The following PPM1L variants were observed in gnomAD, a reference collection of about 807,000 sequenced individuals.
PPM1L encodes protein phosphatase 1L.
A neutral mutation model predicts 31.4 loss-of-function variants in PPM1L; 13 were observed. That is an observed-to-expected ratio of 0.41 (90% CI 0.27 to 0.66). The LOEUF (loss-of-function observed/expected upper bound fraction) is 0.66, where lower values mean the gene tolerates loss of function less well. Among genes scored for constraint, PPM1L ranks in the 30% least tolerant of loss-of-function variants. The pLI is 0.29. For synonymous variants in PPM1L, 184 were observed against 175.4 expected, an observed-to-expected ratio of 1.05 and a Z score of -0.39; for missense variants, 326 against 453.7, an observed-to-expected ratio of 0.72 and a Z score of 2.56.
intron 1 of PPM1L, among the ~76,000 whole-genome samples, chr3:160,776,183 A>G (rs950901605): frequency 6.6e-6 from 1 of 152,250 alleles, no homozygotes; most frequent in African/African-American, 2.4e-5. Context: ...ATTCTCATGT[A>G]CAAAATGGAC....
chr3:160,843,441 T>A, intron 1 of PPM1L, among the ~76,000 whole-genome samples: 1 of 100,646 alleles, frequency 9.9e-6, no homozygotes, highest in Non-Finnish European at 2.1e-5. Flanking sequence ...TATATATATA[T>A]ATATATATAT....
intron 1 of PPM1L, among the ~76,000 whole-genome samples, chr3:160,786,187 G>GTGTA (rs1302285733): frequency 6.8e-4 from 27 of 39,442 alleles, no homozygotes; most frequent in East Asian, 1.3e-3. Flanking sequence ...GTGTGTGTGT[G>GTGTA]TATATATATA....
chr3:161,020,336 A>G (rs1718206599), intron 2 of PPM1L, among the ~76,000 whole-genome samples: 1 of 152,188 alleles, frequency 6.6e-6, no homozygotes, highest in Non-Finnish European at 1.5e-5. Flanking sequence ...GTAATTGAGA[A>G]ATAAGACATA....
chr3:161,031,215 A>C (rs1381230239), intron 2 of PPM1L, among the ~76,000 whole-genome samples: 1 of 152,220 alleles, frequency 6.6e-6, no homozygotes, highest in Non-Finnish European at 1.5e-5. Context: ...ATTATGGCAG[A>C]AAATTCATGA....
At chr3:161,051,457 G>A (rs935967872) in intron 2 of PPM1L, among the ~76,000 whole-genome samples, 2 of 152,028 alleles carry the variant, frequency 1.3e-5, no homozygotes, top group Non-Finnish European at 2.9e-5. Context: ...GAGGGAGAAA[G>A]AGGGTCATCT....
chr3:160,809,597 A>G (rs191017143), intron 1 of PPM1L, among the ~76,000 whole-genome samples: 8 of 152,170 alleles, frequency 5.3e-5, no homozygotes, highest in Admixed American at 2.0e-4. Context: ...TCACTTTGAT[A>G]GCAGTGGGCC....
Position 160,855,679 on chromosome 3 carries a change from C to T in PPM1L, c.399+98972C>T, listed in dbSNP as rs180851318. ...CAGTGCGATACCATTTCACACAAGT[C>T]AGAATGGTGATTATTGAAAAGTCAA... On this transcript the variant is annotated intron_variant, in intron 1 of 3. Coordinates refer to ENST00000498165, the MANE Select transcript of PPM1L (RefSeq NM_139245.4). 3.5e-3 allele frequency among the ~76,000 whole-genome samples: 531 copies of T among 152,184 alleles called. 3 individuals carry two copies. Among genetic ancestry groups the T allele is most frequent in the Middle Eastern group, 0.02 (6 of 294 alleles).
intron 1 of PPM1L, among the ~76,000 whole-genome samples, chr3:160,946,019 T>C (rs951895651): frequency 8.5e-5 from 13 of 152,158 alleles, no homozygotes; most frequent in African/African-American, 3.1e-4. Context: ...TAGTTACATT[T>C]TGGGGGAATC....
intron 2 of PPM1L, among the ~76,000 whole-genome samples, chr3:161,038,396 C>G (rs546063829): frequency 2.8e-4 from 42 of 151,976 alleles, no homozygotes; most frequent in African/African-American, 9.9e-4. Flanking sequence ...ACTGCAGCCT[C>G]AAACTTCTGG....
intron 2 of PPM1L, among the ~76,000 whole-genome samples, chr3:160,971,603 C>T (rs1384692965): frequency 2.0e-5 from 3 of 152,230 alleles, no homozygotes; most frequent in Non-Finnish European, 4.4e-5. Context: ...TGAGAGAACC[C>T]GTAAATCTTG....
At chr3:160,945,354 T>C (rs1221725752) in intron 1 of PPM1L, among the ~76,000 whole-genome samples, 2 of 151,900 alleles carry the variant, frequency 1.3e-5, no homozygotes, top group African/African-American at 4.8e-5. Context: ...CAGCAAAACT[T>C]TATAAAGACG....
chr3:160,900,270 T>C (rs115130996), intron 1 of PPM1L, among the ~76,000 whole-genome samples: 2,654 of 152,236 alleles, frequency 0.017, 77 homozygotes, highest in African/African-American at 0.061. Flanking sequence ...CCAACAAACA[T>C]TTATTTTGAT....
At chr3:160,910,246 T>TGCCCC (rs1713915163) in intron 1 of PPM1L, among the ~76,000 whole-genome samples, 1 of 20,784 alleles carries the variant, frequency 4.8e-5, no homozygotes, top group Non-Finnish European at 8.8e-5. Flanking sequence ...TCCCCTTTCC[T>TGCCCC]TTCCCCTTCC....
intron 1 of PPM1L, among the ~76,000 whole-genome samples, chr3:160,820,581 G>C (rs1235332663): frequency 3.3e-5 from 5 of 152,034 alleles, no homozygotes; most frequent in Admixed American, 2.0e-4. Context: ...ACATTTGCAT[G>C]TTGCGCTAAG....
At chr3:161,040,603 A>G (rs766121398) in intron 2 of PPM1L, among the ~76,000 whole-genome samples, 30 of 152,212 alleles carry the variant, frequency 2.0e-4, no homozygotes, top group Non-Finnish European at 7.3e-5. Flanking sequence ...TTTACTATTA[A>G]TTAATCACAA....
In PPM1L at chr3:160,903,194, G is replaced by GTGTGTGTGTGTGTGTGTGTGTGT. The variant is rs1553819647; in HGVS notation, c.400-58541_400-58540insGTGTGTGTGTGTGTGTGTGTGTT. On this transcript the variant is annotated intron_variant, in intron 1 of 3. Transcript: ENST00000498165. ...GTGTGTGTGTGTGTGTGTGTGTGTGGTATGTGTGTATGTTTGTGTGTGTGT... is the reference window on the plus strand; with the variant it reads ...GTGTGTGTGTGTGTGTGTGTGTGTGGTGTGTGTGTGTGTGTGTGTGTGTTATGTGTGTATGTTTGTGTGTGTGT... 7.9e-3 allele frequency among the ~76,000 whole-genome samples: 755 copies of GTGTGTGTGTGTGTGTGTGTGTGT among 95,410 alleles called. 17 individuals carry two copies. The highest frequency in any genetic ancestry group is 0.019 in the African/African-American group (578 of 29,844). 62.6% of individuals were successfully genotyped at this position (95,410 alleles called of 152,430 possible). A position where few individuals can be genotyped will look rare whatever the true frequency, so the allele number is the denominator to read the frequency against.
intron 1 of PPM1L, among the ~76,000 whole-genome samples, chr3:160,787,451 T>C (rs896102777): frequency 7.2e-5 from 11 of 152,170 alleles, no homozygotes; most frequent in African/African-American, 2.7e-4. Flanking sequence ...ATGGGGTTGT[T>C]TTTTGCCTAA....
intron 1 of PPM1L, among the ~76,000 whole-genome samples, chr3:160,957,855 C>T (rs143548475): frequency 6.6e-6 from 1 of 152,116 alleles, no homozygotes; most frequent in Non-Finnish European, 1.5e-5. Context: ...GGATTACAGG[C>T]GTGAGCCACT....
At chr3:160,841,764 A>G (rs1055751805) in intron 1 of PPM1L, among the ~76,000 whole-genome samples, 2 of 152,156 alleles carry the variant, frequency 1.3e-5, no homozygotes, top group African/African-American at 4.8e-5. Flanking sequence ...GATAACACAT[A>G]AGGACTTCTT....
Sources: gnomAD v4.1 joint callset for allele counts (sites outside exome capture counted in the v4.1 genomes callset) on GRCh38, gnomAD v4.1.1 for gene constraint, MANE v1.5 for transcripts, NCBI Gene and HGNC (gene_info 2026-07-23, HGNC 2026-07-21) for gene names.